The following SATB1 variants were observed in gnomAD, a reference collection of about 807,000 sequenced individuals.
SATB1 encodes the protein SATB homeobox 1, also known as DNA-binding protein SATB1.
SATB1 carries 11 observed loss-of-function variants against 86.9 expected under a neutral mutation model. The observed-to-expected ratio is 0.13, with a 90% confidence interval of 0.08 to 0.21. The LOEUF is 0.21. Among genes scored for constraint, SATB1 ranks in the 10% least tolerant of loss-of-function variants. The pLI is 1.00. For missense variants in SATB1, 551 were observed against 937.6 expected, an observed-to-expected ratio of 0.59 and a Z score of 5.39; for synonymous variants, 357 against 357.2, an observed-to-expected ratio of 1.00 and a Z score of 0.01.
chr3:18,407,573 C>G (rs764113890), intron 5 of SATB1, among the ~76,000 whole-genome samples: 2 of 151,896 alleles, frequency 1.3e-5, no homozygotes, highest in Non-Finnish European at 2.9e-5. Flanking sequence ...CTAAACAATG[C>G]GAGACATTGG....
intron 2 of SATB1, chr3:18,434,852 TCAAA>T (rs1359267048): frequency 6.6e-6 from 1 of 151,484 alleles, no homozygotes; most frequent in Admixed American, 6.6e-5. Context: ...GAGACAGGTG[TCAAA>T]CAAACAAATA....
intron 2 of SATB1, among the ~76,000 whole-genome samples, chr3:18,433,535 A>G (rs2125198993): frequency 6.6e-6 from 1 of 152,194 alleles, no homozygotes. Flanking sequence ...ATCTATTCCT[A>G]TGGATTTTAT....
At chr3:18,393,356 T>C (rs1696791190) in intron 7 of SATB1, among the ~76,000 whole-genome samples, 1 of 152,186 alleles carries the variant, frequency 6.6e-6, no homozygotes, top group African/African-American at 2.4e-5. Flanking sequence ...TGTTTTTTGT[T>C]TTGTTTTAGT....
At chr3:18,440,695 T>C (rs1482176109), upstream of SATB1, among the ~76,000 whole-genome samples, 1 of 152,270 alleles carries the variant, frequency 6.6e-6, no homozygotes, top group East Asian at 1.9e-4. Flanking sequence ...CCAGAAAATA[T>C]ACCCTACTGT....
intron 9 of SATB1, among the ~76,000 whole-genome samples, chr3:18,377,068 T>C (rs1462512601): frequency 6.6e-6 from 1 of 152,142 alleles, no homozygotes; most frequent in African/African-American, 2.4e-5. Context: ...AGAACAACAT[T>C]CTTCTAAAGC....
Position 18,366,352 on chromosome 3 carries a change from T to C in SATB1, c.1575+11818A>G, listed in dbSNP as rs1349811674. On this transcript the variant is annotated intron_variant, in intron 9 of 10. Coordinates refer to ENST00000338745, the MANE Select transcript of SATB1 (RefSeq NM_002971.6). ...TCCCTAATCTCTTCCAAATCTGTGA[T>C]TTCTCATCAATCGAGTATTCTCACA... Among the ~76,000 whole-genome samples, 4 of 152,216 alleles carry C rather than the reference T, an allele frequency of 2.6e-5. No homozygotes were observed. The East Asian group carries it at 7.7e-4, about 29-fold the overall frequency.
At chr3:18,363,154 A>G (rs1032582483) in intron 9 of SATB1, among the ~76,000 whole-genome samples, 5 of 152,126 alleles carry the variant, frequency 3.3e-5, no homozygotes, top group Admixed American at 6.6e-5. Flanking sequence ...AGAGATAACA[A>G]AAAATTTTTA....
At chr3:18,445,242 C>T (rs937183276) in intron 1 of SATB1, 1 of 981,622 alleles carries the variant, frequency 1.0e-6, no homozygotes, top group African/African-American at 1.8e-5. Context: ...CCTCGGCGGC[C>T]GCTGGCGACA....
upstream of SATB1, among the ~76,000 whole-genome samples, chr3:18,426,677 C>G (rs1698715808): frequency 1.3e-5 from 2 of 152,170 alleles, no homozygotes; most frequent in South Asian, 2.1e-4. This position sits in a 1 kb window ranked among gnomAD's most constrained non-coding sequence, Gnocchi z 4.2. Context: ...TAACAAAAAA[C>G]AAGAATTATT....
chr3:18,442,724 C>T (rs1268238468), upstream of SATB1, among the ~76,000 whole-genome samples: 1 of 152,164 alleles, frequency 6.6e-6, no homozygotes, highest in Non-Finnish European at 1.5e-5. Context: ...TTATTATAAC[C>T]TTTTCTAACA....
At chr3:18,410,058 T>C (rs1330102470) in intron 5 of SATB1, among the ~76,000 whole-genome samples, 3 of 152,092 alleles carry the variant, frequency 2.0e-5, no homozygotes, top group African/African-American at 4.8e-5. Context: ...GCAAATCTTC[T>C]GGAACGTCCC....
chr3:18,382,098 C>T (rs980105516), intron 8 of SATB1, among the ~76,000 whole-genome samples: 1 of 152,074 alleles, frequency 6.6e-6, no homozygotes, highest in Non-Finnish European at 1.5e-5. Flanking sequence ...TCAAGATGAA[C>T]CTATGTTTCA....
intron 9 of SATB1, among the ~76,000 whole-genome samples, chr3:18,361,265 G>C (rs1170743062): frequency 6.6e-6 from 1 of 151,958 alleles, no homozygotes; most frequent in Non-Finnish European, 1.5e-5. Flanking sequence ...ACTCAGGTTC[G>C]CTAAACCTCA....
At chr3:18,414,913 C>T in intron 5 of SATB1, 198 bp downstream of exon 5, 1 of 528,984 alleles carries the variant, frequency 1.9e-6, no homozygotes, top group Non-Finnish European at 3.3e-6. Flanking sequence ...CCTCTTTTCC[C>T]CAAGGGAGAA....
intron 8 of SATB1, among the ~76,000 whole-genome samples, chr3:18,381,464 G>A (rs1216768075): frequency 6.6e-6 from 1 of 152,160 alleles, no homozygotes; most frequent in Non-Finnish European, 1.5e-5. Flanking sequence ...TAACAGCCCG[G>A]AGGAGGTATT....
intron 1 of SATB1, among the ~76,000 whole-genome samples, chr3:18,423,081 C>G (rs531332365): frequency 6.6e-6 from 1 of 152,262 alleles, no homozygotes; most frequent in East Asian, 1.9e-4. Context: ...CTAAAGTTCA[C>G]CAAACCTCAG....
intron 7 of SATB1, among the ~76,000 whole-genome samples, chr3:18,388,465 A>G (rs1353599635): frequency 2.0e-5 from 3 of 152,196 alleles, no homozygotes; most frequent in African/African-American, 7.2e-5. Context: ...TGAAAACATC[A>G]GTATAAACAC....
chr3:18,353,993 T>C (rs1694507542), intron 9 of SATB1, among the ~76,000 whole-genome samples: 1 of 152,202 alleles, frequency 6.6e-6, no homozygotes, highest in Admixed American at 6.5e-5. Flanking sequence ...AAATAAAACA[T>C]AAAAATCATT....
At chr3:18,375,599 A>C (rs1266726191) in intron 9 of SATB1, among the ~76,000 whole-genome samples, 2 of 152,132 alleles carry the variant, frequency 1.3e-5, no homozygotes, top group African/African-American at 4.8e-5. Flanking sequence ...TCTGATTTGA[A>C]GGGTTTTTTT....
Sources: gnomAD v4.1 joint callset for allele counts (sites outside exome capture counted in the v4.1 genomes callset) on GRCh38, gnomAD v4.1.1 for gene constraint, Gnocchi (gnomAD v3.1) non-coding constraint, MANE v1.5 for transcripts, NCBI Gene and HGNC (gene_info 2026-07-23, HGNC 2026-07-21) for gene names.